Variants in HMCN1 observed in about 807,000 individuals in gnomAD.
HMCN1 encodes the protein hemicentin-1.
Under a neutral mutation model 625.9 loss-of-function variants are expected in HMCN1, and 321 were observed. That is an observed-to-expected ratio of 0.51 (90% confidence interval 0.47 to 0.56). The LOEUF (loss-of-function observed/expected upper bound fraction) is 0.56, where lower values mean the gene tolerates loss of function less well. HMCN1 is among the 20% of genes least tolerant of loss of function. The pLI is 0.00. For synonymous variants in HMCN1, 2,425 were observed against 2,417.6 expected (o/e 1.00, Z -0.09); for missense variants, 6,588 against 6,887.3 (o/e 0.96, Z 1.54).
In HMCN1 at chr1:185,928,668, G is replaced by T. The variant is rs1370022066; in HGVS notation, c.1552+1G>T. 1 of 1,613,006 alleles carries T rather than the reference G, an allele frequency of 6.2e-7. No homozygotes were observed. Among genetic ancestry groups the T allele is most frequent in the Non-Finnish European group, 8.5e-7 (1 of 1,179,212 alleles). The stretch of plus-strand genomic sequence containing the variant: ...GCACAGACATTTTTTGACGTATCAG[G>T]TAATTACCACTAATTTCTTTGCAGT... On this transcript the variant is annotated splice_donor_variant, in intron 10 of 106. Transcript: ENST00000271588. LOFTEE classifies it high-confidence loss of function.
intron 50 of HMCN1, among the ~76,000 whole-genome samples, chr1:186,068,572 A>G (rs1321843522): frequency 6.6e-6 from 1 of 152,158 alleles, no homozygotes; most frequent in Non-Finnish European, 1.5e-5. Flanking sequence ...GTTTTATAAG[A>G]ATTCAAATGA....
chr1:186,189,386 C>A, intron 106 of HMCN1, 126 bp from the exon 107 acceptor site: 2 of 955,362 alleles, frequency 2.1e-6, no homozygotes, highest in South Asian at 1.4e-5. Context: ...TGAGTCTTAC[C>A]GCTTTTACAG....
rs546180671 is a variant in HMCN1 at position 185,939,620 on chromosome 1, G to T, written c.1828+5796G>T. On this transcript the variant is annotated intron_variant, in intron 11 of 106. Coordinates refer to ENST00000271588, the MANE Select transcript of HMCN1 (RefSeq NM_031935.3). ...TCTGTACTTGAAAAATTACTTAAAT[G>T]GATTATTTTTAAACTTTGTGTAAAT... 6.8e-4 allele frequency among the ~76,000 whole-genome samples: 103 copies of T among 151,846 alleles called. No individual in the cohort carries two copies. The East Asian group carries it at 7.2e-3, about 11-fold the overall frequency.
At chr1:185,970,092 G>T (rs565766103) in intron 14 of HMCN1, among the ~76,000 whole-genome samples, 2 of 152,218 alleles carry the variant, frequency 1.3e-5, no homozygotes, top group South Asian at 2.1e-4. Flanking sequence ...GTTCCCCAAG[G>T]TATCTTCAAA....
rs1652742277 is a variant in HMCN1 at position 186,178,563 on chromosome 1, G to T, written c.16091G>T (p.Gly5364Val). 1 of 1,614,066 alleles carries T rather than the reference G, an allele frequency of 6.2e-7. No homozygotes were observed. The highest frequency in any genetic ancestry group is 8.5e-7 in the Non-Finnish European group (1 of 1,180,010). Residue 5364 changes from glycine to valine, a missense_variant, in exon 104 of 107, where the codon GGC (glycine) becomes GTC (valine). Gly to Val is a moderately radical substitution (Grantham distance 109). Around this residue, in one of 3 missense-constraint regions of HMCN1, gnomAD observed 1,954 missense variants for 2,013.1 expected, o/e 0.97. Transcript: ENST00000271588. Reference sequence around the variant, plus strand: ...GGATTGGAGAGGCTGCCAAATTATGGCACTCAATACAGTAGCTATAACCTT... The same window carrying T: ...GGATTGGAGAGGCTGCCAAATTATGTCACTCAATACAGTAGCTATAACCTT... ...CAGLERLPNY[G>V]TQYSSYNLAR... is the part of the protein sequence containing the mutation.
At chr1:185,906,339 C>T (rs533171347) in intron 4 of HMCN1, among the ~76,000 whole-genome samples, 2 of 151,786 alleles carry the variant, frequency 1.3e-5, no homozygotes, top group South Asian at 2.1e-4. Flanking sequence ...TATGTCTTTC[C>T]CAACAAGTAA....
At chr1:186,101,606 A>G (rs1375457417) in intron 68 of HMCN1, among the ~76,000 whole-genome samples, 2 of 152,134 alleles carry the variant, frequency 1.3e-5, no homozygotes, top group Non-Finnish European at 2.9e-5. Context: ...AACACAGAGT[A>G]AAATAGTTCA....
intron 2 of HMCN1, among the ~76,000 whole-genome samples, chr1:185,848,164 A>G (rs1268138670): frequency 6.6e-6 from 1 of 151,498 alleles, no homozygotes; most frequent in Non-Finnish European, 1.5e-5. Flanking sequence ...GTTCACTGCT[A>G]TCATTTCCTT....
Position 186,089,767 on chromosome 1 carries a change from A to T in HMCN1, c.9728-991A>T, listed in dbSNP as rs181113771. Among the ~76,000 whole-genome samples the T allele has an allele frequency of 4.7e-5, 7 of 148,048 alleles. No homozygotes were observed. In the East Asian group the frequency reaches 1.2e-3, roughly 25 times the overall value. ...GCTTGTCATATATTAGATACTCATT[A>T]TAGGATGTCTCTTATTACTAATGTT... On this transcript the variant is annotated intron_variant, in intron 63 of 106. Coordinates refer to ENST00000271588, the MANE Select transcript of HMCN1 (RefSeq NM_031935.3).
intron 15 of HMCN1, among the ~76,000 whole-genome samples, chr1:185,975,369 G>A (rs1319524217): frequency 6.6e-6 from 1 of 152,144 alleles, no homozygotes; most frequent in Non-Finnish European, 1.5e-5. Context: ...ATGGCAGAAG[G>A]CAAAAGGGAA....
At chr1:186,137,698 G>A (rs778069143) in intron 88 of HMCN1, 30 bp downstream of exon 88, 1 of 1,613,894 alleles carries the variant, frequency 6.2e-7, no homozygotes, top group East Asian at 2.2e-5. Flanking sequence ...TGATAGGCAT[G>A]TGTTTAATAG....
At chr1:186,110,759 T>C (rs955849288) in intron 71 of HMCN1, among the ~76,000 whole-genome samples, 1 of 151,934 alleles carries the variant, frequency 6.6e-6, no homozygotes, top group Non-Finnish European at 1.5e-5. Flanking sequence ...GTTAGCCTTG[T>C]CCAGAAGGGT....
At chr1:185,839,483 C>T (rs1049814945) in intron 1 of HMCN1, among the ~76,000 whole-genome samples, 2 of 152,020 alleles carry the variant, frequency 1.3e-5, no homozygotes, top group African/African-American at 4.8e-5. Flanking sequence ...TCTGATTATG[C>T]CTTATCAGTG....
At position 186,087,205 on chromosome 1, in the gene HMCN1, A is replaced by C. The variant is rs767424930; in HGVS notation, c.9047-12A>C. The C allele has an allele frequency of 1.3e-6, 2 of 1,559,958 alleles. No homozygotes were observed. The highest frequency in any genetic ancestry group is 4.5e-5 in the East Asian group (2 of 44,538). On this transcript the variant is annotated splice_polypyrimidine_tract_variant and intron_variant, in intron 58 of 106. Coordinates refer to ENST00000271588, the MANE Select transcript of HMCN1 (RefSeq NM_031935.3). ...TATACCACTCTACAATTTGCATTCT[A>C]TTTACCTACAGGTGGTCGAACTCTA...
chr1:185,744,479 A>G (rs899600847), intron 1 of HMCN1, among the ~76,000 whole-genome samples: 3 of 152,238 alleles, frequency 2.0e-5, no homozygotes, highest in Non-Finnish European at 2.9e-5. Context: ...TAAAAAGTCA[A>G]AGATAAGCCA....
chr1:185,911,650 T>C (rs1666426208), intron 5 of HMCN1, 24 bp from the exon 6 acceptor site: 2 of 1,493,868 alleles, frequency 1.3e-6, no homozygotes, highest in Middle Eastern at 3.4e-4. Context: ...ATTGTGCTTG[T>C]TACCTTTATG....
At chr1:185,876,988 A>G (rs1052919135) in intron 4 of HMCN1, among the ~76,000 whole-genome samples, 2 of 152,002 alleles carry the variant, frequency 1.3e-5, no homozygotes, top group Non-Finnish European at 2.9e-5. Flanking sequence ...TGCCTAGATC[A>G]AGGTTTAGAA....
In HMCN1 at chr1:186,076,528, T is replaced by A; in HGVS notation, c.8391T>A (p.Leu2797=). The change falls in exon 54 of 107, where the codon CTT becomes CTA. Residue 2797 remains leucine, a synonymous_variant. Coordinates refer to ENST00000271588, the MANE Select transcript of HMCN1 (RefSeq NM_031935.3). ...TGATCATCAACAATCCCATTTCTCTTTACTGTGAGACAAATGCTGCTCCCC... is the reference window on the plus strand; with the variant it reads ...TGATCATCAACAATCCCATTTCTCTATACTGTGAGACAAATGCTGCTCCCC... ...KDVIINNPIS[L]YCETNAAPPP... 1.2e-6 allele frequency: 2 copies of A among 1,613,802 alleles called. No individual in the cohort carries two copies. Among genetic ancestry groups the A allele is most frequent in the East Asian group, 4.5e-5 (2 of 44,842 alleles).
At chr1:186,136,531 T>C in intron 86 of HMCN1, 137 bp from the exon 87 acceptor site, 1 of 768,408 alleles carries the variant, frequency 1.3e-6, no homozygotes. Context: ...TTATAATCTA[T>C]AATCTTAGTT....
Sources: allele counts gnomAD v4.1 joint callset (sites outside exome capture counted in the v4.1 genomes callset), GRCh38; gene constraint gnomAD v4.1.1; regional missense constraint gnomAD v4.1.1; transcripts MANE v1.5; gene names NCBI Gene and HGNC (gene_info 2026-07-23, HGNC 2026-07-21).